PLCB1: variants seen among roughly 807,000 people sequenced by gnomAD.
PLCB1 encodes the protein 1-phosphatidylinositol 4,5-bisphosphate phosphodiesterase beta-1.
In PLCB1, 46 loss-of-function variants were observed where a neutral mutation model predicts 161.8. The observed-to-expected ratio is 0.28, with a 90% confidence interval of 0.22 to 0.36. The LOEUF (loss-of-function observed/expected upper bound fraction) is 0.36, where lower values mean the gene tolerates loss of function less well. Among genes scored for constraint, PLCB1 ranks in the 10% least tolerant of loss-of-function variants. The pLI is 1.00. For missense variants in PLCB1, 1,016 were observed against 1,472.5 expected, an observed-to-expected ratio of 0.69 and a Z score of 5.07; for synonymous variants, 517 against 503.7, an observed-to-expected ratio of 1.03 and a Z score of -0.35.
chr20:8,355,389 T>G (rs1986332161), intron 2 of PLCB1, among the ~76,000 whole-genome samples: 1 of 152,172 alleles, frequency 6.6e-6, no homozygotes, highest in South Asian at 2.1e-4. Context: ...TAAGGTGATT[T>G]TCTTCTACCT....
Position 8,647,889 on chromosome 20 carries a change from T to C in PLCB1, c.465-11T>C. On this transcript the variant is annotated splice_polypyrimidine_tract_variant and intron_variant, in intron 5 of 31. Transcript: ENST00000338037. ...AAAAATCAAACCCTTGTTTTTCTGC[T>C]TCTCCAACAGCTATACTAAACTTAA... The C allele has an allele frequency of 6.2e-7, 1 of 1,608,586 alleles. No individual in the cohort carries two copies. The highest frequency in any genetic ancestry group is 1.3e-5 in the African/African-American group (1 of 74,780).
At chr20:8,629,963 CTTCTTTCTTTCTTTCTTTCT>C (rs201039269) in intron 4 of PLCB1, among the ~76,000 whole-genome samples, 26,490 of 110,870 alleles carry the variant, frequency 0.24, 3,189 homozygotes, top group Admixed American at 0.35. Context: ...TTCTTTCTTT[CTTCTTTCTTTCTTTCTTTCT>C]TTCTTTCTTT....
intron 2 of PLCB1, among the ~76,000 whole-genome samples, chr20:8,294,225 A>G (rs1444434125): frequency 6.6e-6 from 1 of 152,084 alleles, no homozygotes; most frequent in Non-Finnish European, 1.5e-5. Context: ...CTCCTTCCTG[A>G]CTTCCCACAA....
At chr20:8,259,658 G>A (rs1366336352) in intron 2 of PLCB1, among the ~76,000 whole-genome samples, 1 of 152,076 alleles carries the variant, frequency 6.6e-6, no homozygotes, top group Non-Finnish European at 1.5e-5. Context: ...GCGATTATCT[G>A]TTGTCTACTG....
At chr20:8,135,593 TG>T (rs1315431613) in intron 1 of PLCB1, among the ~76,000 whole-genome samples, 1 of 152,160 alleles carries the variant, frequency 6.6e-6, no homozygotes, top group Non-Finnish European at 1.5e-5. Context: ...TGCTTGGTCA[TG>T]GGGAGGTCTG....
At chr20:8,368,982 T>C (rs1282360943) in intron 2 of PLCB1, among the ~76,000 whole-genome samples, 2 of 152,080 alleles carry the variant, frequency 1.3e-5, no homozygotes, top group African/African-American at 4.8e-5. Context: ...TTTGAAATAT[T>C]TCCTTTAGCA....
At chr20:8,803,586 T>C (rs573836006) in intron 31 of PLCB1, among the ~76,000 whole-genome samples, 6 of 152,224 alleles carry the variant, frequency 3.9e-5, no homozygotes, top group South Asian at 2.1e-4. Flanking sequence ...GAAGGCCATA[T>C]TGGAAGGTGA....
At chr20:8,842,809 G>C (rs1986557368) in intron 31 of PLCB1, among the ~76,000 whole-genome samples, 1 of 152,184 alleles carries the variant, frequency 6.6e-6, no homozygotes, top group African/African-American at 2.4e-5. Flanking sequence ...GAAATCTATA[G>C]ATAACACAAG....
intron 2 of PLCB1, among the ~76,000 whole-genome samples, chr20:8,214,881 T>C (rs1367964095): frequency 6.6e-6 from 1 of 151,660 alleles, no homozygotes; most frequent in Non-Finnish European, 1.5e-5. Flanking sequence ...TTGCGGGGAC[T>C]GTTTGCACTT....
intron 31 of PLCB1, among the ~76,000 whole-genome samples, chr20:8,878,720 C>T (rs1987866562): frequency 6.6e-6 from 1 of 151,832 alleles, no homozygotes; most frequent in African/African-American, 2.4e-5. Flanking sequence ...TTTATTTTTT[C>T]ATTTTCTATT....
At chr20:8,709,080 C>G (rs567765058) in intron 12 of PLCB1, among the ~76,000 whole-genome samples, 1 of 152,232 alleles carries the variant, frequency 6.6e-6, no homozygotes, top group South Asian at 2.1e-4. Context: ...ACTTTTATAA[C>G]CCTTCTTCAT....
intron 14 of PLCB1, among the ~76,000 whole-genome samples, chr20:8,720,485 A>G (rs894557108): frequency 2.0e-5 from 3 of 152,200 alleles, no homozygotes; most frequent in Non-Finnish European, 4.4e-5. Context: ...AGTAACTTGA[A>G]AAACGTGACA....
At chr20:8,396,970 T>G (rs894696777) in intron 3 of PLCB1, among the ~76,000 whole-genome samples, 1 of 152,094 alleles carries the variant, frequency 6.6e-6, no homozygotes. Context: ...GAAGCAGATA[T>G]CTCTTCTTCA....
chr20:8,344,647 A>G (rs770414425), intron 2 of PLCB1, among the ~76,000 whole-genome samples: 1 of 152,116 alleles, frequency 6.6e-6, no homozygotes, highest in Non-Finnish European at 1.5e-5. Context: ...CCTGTAGTAT[A>G]TCTGCTCCCG....
chr20:8,855,842 T>C (rs190480466), intron 31 of PLCB1, among the ~76,000 whole-genome samples: 1 of 152,366 alleles, frequency 6.6e-6, no homozygotes, highest in East Asian at 1.9e-4. Context: ...TTCAGTCTTT[T>C]TGGTCTTCTC....
At chr20:8,286,960 A>G (rs1983150538) in intron 2 of PLCB1, among the ~76,000 whole-genome samples, 1 of 152,144 alleles carries the variant, frequency 6.6e-6, no homozygotes. Context: ...TTTGCTTTGT[A>G]TATAGTAAGA....
intron 31 of PLCB1, among the ~76,000 whole-genome samples, chr20:8,827,909 A>G (rs1254296438): frequency 6.6e-6 from 1 of 152,258 alleles, no homozygotes; most frequent in Non-Finnish European, 1.5e-5. Flanking sequence ...TCACACTACA[A>G]CAGCTGCATT....
At chr20:8,583,469 G>A (rs1376661475) in intron 3 of PLCB1, among the ~76,000 whole-genome samples, 6 of 152,284 alleles carry the variant, frequency 3.9e-5, no homozygotes, top group Middle Eastern at 3.4e-3. Context: ...CTTAGGCTCT[G>A]CTTCAAGGGA....
intron 1 of PLCB1, among the ~76,000 whole-genome samples, chr20:8,144,820 G>A (rs571873544): frequency 2.6e-5 from 4 of 152,194 alleles, no homozygotes; most frequent in South Asian, 2.1e-4. Flanking sequence ...GTGGAACATC[G>A]CTTGTTACTT....
Sources: allele counts gnomAD v4.1 joint callset (sites outside exome capture counted in the v4.1 genomes callset), GRCh38; gene constraint gnomAD v4.1.1; transcripts MANE v1.5; gene names NCBI Gene and HGNC (gene_info 2026-07-23, HGNC 2026-07-21).